The following TMEM132D variants were observed in gnomAD, a reference collection of about 807,000 sequenced individuals.
The protein encoded by TMEM132D is transmembrane protein 132D, also known as mature OL transmembrane protein.
A neutral mutation model predicts 62.3 loss-of-function variants in TMEM132D; 21 were observed. That is an observed-to-expected ratio of 0.34 (90% confidence interval 0.24 to 0.49). The LOEUF is 0.49. Ranked by LOEUF, TMEM132D falls within the 20% of genes least tolerant of loss-of-function variation. The pLI is 0.99. For missense variants in TMEM132D, 1,346 were observed against 1,402.8 expected (o/e 0.96, Z 0.65); for synonymous variants, 621 against 575.6 (o/e 1.08, Z -1.13).
chr12:129,330,901 C>G (rs1029905778), intron 4 of TMEM132D, among the ~76,000 whole-genome samples: 6 of 152,202 alleles, frequency 3.9e-5, no homozygotes, highest in Non-Finnish European at 8.8e-5. Flanking sequence ...CATACTGAGC[C>G]TATGTCCTCC....
chr12:129,366,438 G>C (rs546804076), intron 3 of TMEM132D, among the ~76,000 whole-genome samples: 1 of 151,988 alleles, frequency 6.6e-6, no homozygotes, highest in African/African-American at 2.4e-5. Flanking sequence ...CATGTGACAC[G>C]CCTGCTTCCC....
intron 3 of TMEM132D, among the ~76,000 whole-genome samples, chr12:129,436,557 A>T (rs1872792812): frequency 6.6e-6 from 1 of 152,166 alleles, no homozygotes; most frequent in Non-Finnish European, 1.5e-5. Flanking sequence ...ATTCAACAAC[A>T]CTGTAAGTTT....
At chr12:129,550,403 G>A (rs1399182052) in intron 2 of TMEM132D, among the ~76,000 whole-genome samples, 2 of 152,158 alleles carry the variant, frequency 1.3e-5, no homozygotes, top group African/African-American at 2.4e-5. Flanking sequence ...TTGCCCCTCT[G>A]AAATGGTTCT....
intron 3 of TMEM132D, among the ~76,000 whole-genome samples, chr12:129,369,782 A>C (rs1009135012): frequency 2.6e-5 from 4 of 152,260 alleles, no homozygotes; most frequent in Non-Finnish European, 4.4e-5. Flanking sequence ...GAAGCTACAA[A>C]TAGGAAAAGG....
At chr12:129,431,597 C>T (rs1487857070) in intron 3 of TMEM132D, among the ~76,000 whole-genome samples, 1 of 152,172 alleles carries the variant, frequency 6.6e-6, no homozygotes, top group Non-Finnish European at 1.5e-5. Flanking sequence ...GGTCACCTCC[C>T]TCCTGCATTT....
chr12:129,344,344 A>C (rs1389435654), intron 3 of TMEM132D, among the ~76,000 whole-genome samples: 1 of 152,170 alleles, frequency 6.6e-6, no homozygotes, highest in Non-Finnish European at 1.5e-5. Flanking sequence ...TACTTCTGGC[A>C]AACCCCAAAT....
At chr12:129,605,622 T>TATATATATATATATAC (rs71451321) in intron 2 of TMEM132D, among the ~76,000 whole-genome samples, 1 of 126,838 alleles carries the variant, frequency 7.9e-6, no homozygotes. Flanking sequence ...CATATATATA[T>TATATATATATATATAC]ACACACACAC....
intron 3 of TMEM132D, among the ~76,000 whole-genome samples, chr12:129,398,721 C>T (rs1871505084): frequency 6.6e-6 from 1 of 152,148 alleles, no homozygotes; most frequent in Non-Finnish European, 1.5e-5. Context: ...ATCCTAGCCA[C>T]CAAGCAATTC....
At chr12:129,083,481 T>C (rs930692601) in intron 6 of TMEM132D, among the ~76,000 whole-genome samples, 12 of 152,136 alleles carry the variant, frequency 7.9e-5, no homozygotes, top group Non-Finnish European at 1.0e-4. Context: ...GGTCATTCTC[T>C]AATCCACACC....
chr12:129,271,660 GT>G (rs1880856568), intron 4 of TMEM132D, among the ~76,000 whole-genome samples: 1 of 151,672 alleles, frequency 6.6e-6, no homozygotes. Context: ...AACATGCTGT[GT>G]TTGGTGTTCT....
At chr12:129,564,377 CATG>C (rs1419944808) in intron 2 of TMEM132D, among the ~76,000 whole-genome samples, 1 of 152,180 alleles carries the variant, frequency 6.6e-6, no homozygotes, top group Non-Finnish European at 1.5e-5. Context: ...CTAAAAGGAA[CATG>C]ATATGACAAC....
At chr12:129,577,848 C>T (rs1478953053) in intron 2 of TMEM132D, among the ~76,000 whole-genome samples, 1 of 151,976 alleles carries the variant, frequency 6.6e-6, no homozygotes, top group African/African-American at 2.4e-5. Flanking sequence ...TCGTATGTGT[C>T]AATTTGACTG....
intron 4 of TMEM132D, among the ~76,000 whole-genome samples, chr12:129,280,964 C>T (rs116715887): frequency 0.012 from 1,756 of 151,992 alleles, 34 homozygotes; most frequent in African/African-American, 0.04. Context: ...ATTTTCGCCA[C>T]AATATTTTGA....
chr12:129,902,057 A>C (rs1875376471), intron 1 of TMEM132D, among the ~76,000 whole-genome samples: 1 of 152,178 alleles, frequency 6.6e-6, no homozygotes, highest in African/African-American at 2.4e-5. Context: ...GCCCATTTCA[A>C]CCACACTTCA....
chr12:129,879,957 A>T (rs1593197078), intron 1 of TMEM132D, among the ~76,000 whole-genome samples: 1 of 152,196 alleles, frequency 6.6e-6, no homozygotes, highest in Non-Finnish European at 1.5e-5. Flanking sequence ...AGCTATCTGA[A>T]GAGGAAACAT....
chr12:129,190,839 C>T (rs1433539176), intron 5 of TMEM132D, among the ~76,000 whole-genome samples: 2 of 152,104 alleles, frequency 1.3e-5, no homozygotes, highest in Admixed American at 6.5e-5. Context: ...AATACAGATT[C>T]TGAGCCCATA....
intron 1 of TMEM132D, among the ~76,000 whole-genome samples, chr12:129,861,568 C>T (rs1400727715): frequency 6.6e-6 from 1 of 152,082 alleles, no homozygotes; most frequent in African/African-American, 2.4e-5. Context: ...CGAGACCAGC[C>T]TGGCCAACAT....
At chr12:129,409,057 C>T (rs925812320) in intron 3 of TMEM132D, among the ~76,000 whole-genome samples, 3 of 152,068 alleles carry the variant, frequency 2.0e-5, no homozygotes, top group Non-Finnish European at 4.4e-5. Flanking sequence ...CTCAGCCCCC[C>T]AAGTAGCTGG....
At chr12:129,635,306 C>T (rs1879447758) in intron 2 of TMEM132D, among the ~76,000 whole-genome samples, 1 of 152,322 alleles carries the variant, frequency 6.6e-6, no homozygotes, top group Non-Finnish European at 1.5e-5. Flanking sequence ...ATGTCTATAA[C>T]TTGATCTCTG....
Sources: gnomAD v4.1 joint callset for allele counts (sites outside exome capture counted in the v4.1 genomes callset) on GRCh38, gnomAD v4.1.1 for gene constraint, MANE v1.5 for transcripts, NCBI Gene and HGNC (gene_info 2026-07-23, HGNC 2026-07-21) for gene names.